Variants in POC5 observed in about 807,000 individuals in gnomAD.
POC5 encodes the protein POC5 centriolar protein, also known as centrosomal protein POC5.
A neutral mutation model predicts 62.9 loss-of-function variants in POC5; 48 were observed. That is an observed-to-expected ratio of 0.76 (90% CI 0.61 to 0.97). The LOEUF (loss-of-function observed/expected upper bound fraction) is 0.97. Among genes scored for constraint, POC5 ranks in the 50% least tolerant of loss-of-function variants. The probability of loss-of-function intolerance (pLI) is 0.00; values close to 1 mark genes in which losing one functional copy is unlikely to be tolerated. For synonymous variants in POC5, 236 were observed against 228.2 expected (o/e 1.03, Z -0.31); for missense variants, 696 against 679.5 (o/e 1.02, Z -0.27).
rs761133040 is a variant in POC5, at chr5:75,690,519, A to C, written c.839T>G (p.Leu280Ter). Residue 280 changes from leucine to a stop codon, truncating the protein, a stop_gained, in exon 8 of 12, where the codon TTA becomes TGA. Coordinates refer to ENST00000428202, the MANE Select transcript of POC5 (RefSeq NM_001099271.2). LOFTEE classifies it high-confidence loss of function. ...KLADQYYQRT[L>*]LKKVWKVWRS... ...CCAGACTTTCCAGACTTTCTTCAGT[A>C]AAGTTCTCTGGTAGTACTGGTCAGC... The C allele has an allele frequency of 1.2e-6, 2 of 1,601,336 alleles. No homozygotes were observed.
intron 10 of POC5, among the ~76,000 whole-genome samples, chr5:75,679,750 A>G (rs763621626): frequency 6.6e-6 from 1 of 152,166 alleles, no homozygotes; most frequent in Non-Finnish European, 1.5e-5. Flanking sequence ...TACAGGGAGG[A>G]TAAGGAAAGT....
Position 75,707,789 on chromosome 5 carries a change from T to C in POC5, c.171A>G (p.Glu57=). The part of the protein sequence containing the change: ...CASQSSHPKG[E]LVPDVRISTI... ...TAGAAATTCTGACATCTGGCACCAA[T>C]TCTCCCTTAGGATGAGATGACTGTG... Residue 57 remains glutamate (E), a synonymous_variant, in exon 3 of 12, where the codon GAA becomes GAG. Transcript: ENST00000428202. The C allele has an allele frequency of 6.3e-7, 1 of 1,575,668 alleles. No homozygotes were observed. Among genetic ancestry groups the C allele is most frequent in the Non-Finnish European group, 8.6e-7 (1 of 1,156,978 alleles).
At chr5:75,702,860 A>C (rs1325891271) in intron 4 of POC5, 50 bp from the exon 5 acceptor site, 1 of 1,422,176 alleles carries the variant, frequency 7.0e-7, no homozygotes, top group Non-Finnish European at 9.7e-7. Context: ...AAATAACTCA[A>C]GTTGGTAAGG....
At chr5:75,689,484 T>A (rs1042617317) in intron 8 of POC5, 1 of 983,712 alleles carries the variant, frequency 1.0e-6, no homozygotes, top group African/African-American at 1.7e-5. Flanking sequence ...ATGTAGGATG[T>A]TAAACAAAAT....
intron 5 of POC5, among the ~76,000 whole-genome samples, chr5:75,699,587 T>C (rs1276490959): frequency 7.4e-6 from 1 of 135,612 alleles, no homozygotes; most frequent in African/African-American, 2.7e-5. Flanking sequence ...AAGAGCTATC[T>C]ATGACAAACC....
chr5:75,676,074 G>A (rs1050660069), intron 11 of POC5, among the ~76,000 whole-genome samples: 11 of 152,202 alleles, frequency 7.2e-5, no homozygotes, highest in African/African-American at 2.7e-4. Context: ...CAGCATGGGA[G>A]ATAAGTATCA....
At chr5:75,692,529 TGATA>T in intron 6 of POC5, 29 bp from the exon 7 acceptor site, 1 of 1,495,846 alleles carries the variant, frequency 6.7e-7, no homozygotes, top group East Asian at 2.4e-5. Context: ...CCAATTATTG[TGATA>T]TTAAAATAAC....
At chr5:75,682,593 G>A (rs1257859459) in intron 10 of POC5, among the ~76,000 whole-genome samples, 3 of 144,440 alleles carry the variant, frequency 2.1e-5, no homozygotes, top group South Asian at 2.2e-4. Flanking sequence ...TTGGCTCACC[G>A]CAATCTCTGC....
chr5:75,699,247 C>T (rs556474384), intron 5 of POC5, among the ~76,000 whole-genome samples: 7,471 of 151,956 alleles, frequency 0.049, 631 homozygotes, highest in African/African-American at 0.17. Flanking sequence ...ATACCAAAGC[C>T]GGGCAGAGAC....
chr5:75,699,226 A>G (rs1372246668), intron 5 of POC5, among the ~76,000 whole-genome samples: 11 of 152,080 alleles, frequency 7.2e-5, no homozygotes, highest in African/African-American at 2.4e-4. Context: ...TATGAGGCCA[A>G]CATCATCCTG....
At chr5:75,712,496 G>GA in intron 2 of POC5, 1 of 1,514,102 alleles carries the variant, frequency 6.6e-7, no homozygotes, top group Non-Finnish European at 9.1e-7. Context: ...TAGAACTTTG[G>GA]ATGGTTTGAT....
chr5:75,684,450 C>T (rs1210680740), intron 10 of POC5, among the ~76,000 whole-genome samples: 1 of 85,272 alleles, frequency 1.2e-5, no homozygotes, highest in African/African-American at 3.6e-5. Flanking sequence ...ACTGCAACTT[C>T]GCCTCCGGGG....
chr5:75,715,560 C>G (rs570021292), intron 1 of POC5, among the ~76,000 whole-genome samples: 1 of 152,070 alleles, frequency 6.6e-6, no homozygotes, highest in African/African-American at 2.4e-5. Flanking sequence ...CGGGGGAAAT[C>G]GCCCTTATAA....
intron 6 of POC5, among the ~76,000 whole-genome samples, chr5:75,694,238 GGTTTAAAAT>G (rs1776463094): frequency 6.6e-6 from 1 of 152,060 alleles, no homozygotes; most frequent in Admixed American, 6.6e-5. Flanking sequence ...CTAAAAGGAT[GGTTTAAAAT>G]GTAGATAATG....
At position 75,685,451 on chromosome 5, in the gene POC5, T is replaced by TA. The variant is rs758910265; in HGVS notation, c.1162dup (p.Tyr388LeufsTer108). ...TTCTTTTCCTTGAACACCAGGACCA[T>TA]ACTCTTCCTTTTTATTATTTGTGGA... On this transcript the variant is annotated frameshift_variant, in exon 10 of 12. Transcript: ENST00000428202. LOFTEE classifies it high-confidence loss of function. The TA allele has an allele frequency of 1.2e-6, 2 of 1,612,282 alleles. No individual in the cohort carries two copies. Among genetic ancestry groups the TA allele is most frequent in the South Asian group, 2.2e-5 (2 of 91,076 alleles).
chr5:75,674,233 C>A lies in POC5; in HGVS notation c.*202G>T. ...AATTTAAAAAAGTTTTACTTAATTG[C>A]TTAAATAAAAAATAACATTAAAATA... On this transcript the variant is annotated 3_prime_UTR_variant, in exon 12 of 12. Transcript: ENST00000428202. 2.5e-6 allele frequency: 1 copy of A among 402,516 alleles called. No homozygotes were observed. The highest frequency in any genetic ancestry group is 4.2e-6 in the Non-Finnish European group (1 of 239,218). 24.9% of individuals were successfully genotyped at this position (402,516 alleles called of 1,614,324 possible). A position where few individuals can be genotyped will look rare whatever the true frequency, so the allele number is the denominator to read the frequency against.
At chr5:75,716,104 G>C (rs1348934858) in intron 1 of POC5, among the ~76,000 whole-genome samples, 12 of 152,140 alleles carry the variant, frequency 7.9e-5, no homozygotes, top group Admixed American at 7.9e-4. Context: ...ACAGGGAAAA[G>C]TGCAAAAATA....
At chr5:75,686,620 G>A (rs1227038165) in intron 9 of POC5, among the ~76,000 whole-genome samples, 1 of 152,216 alleles carries the variant, frequency 6.6e-6, no homozygotes. Context: ...GAGATTCTGA[G>A]TGTCTATCTT....
chr5:75,695,848 G>C (rs974384288), intron 5 of POC5, among the ~76,000 whole-genome samples: 2 of 152,090 alleles, frequency 1.3e-5, no homozygotes, highest in African/African-American at 4.8e-5. Flanking sequence ...CAGGACAGTG[G>C]GTGCATGCAC....
Sources: allele counts gnomAD v4.1 joint callset (sites outside exome capture counted in the v4.1 genomes callset), GRCh38; gene constraint gnomAD v4.1.1; transcripts MANE v1.5; gene names NCBI Gene and HGNC (gene_info 2026-07-23, HGNC 2026-07-21).